The following LRBA variants were observed in gnomAD, a reference collection of about 807,000 sequenced individuals.
LRBA encodes the protein lipopolysaccharide-responsive and beige-like anchor protein.
In LRBA, 176 loss-of-function variants were observed where a neutral mutation model predicts 330.0. That is an observed-to-expected ratio of 0.53 (90% CI 0.47 to 0.60). LRBA has a LOEUF of 0.60. Ranked by LOEUF, LRBA falls within the 20% of genes least tolerant of loss-of-function variation. The pLI, the probability that LRBA is intolerant of heterozygous loss-of-function variation, is 0.00. For missense variants in LRBA, 3,259 were observed against 3,444.8 expected (o/e 0.95, Z 1.35); for synonymous variants, 1,230 against 1,193.0 (o/e 1.03, Z -0.64).
At chr4:150,487,910 A>C (rs1259222120) in intron 41 of LRBA, 76 bp from the exon 42 acceptor site, 1 of 672,120 alleles carries the variant, frequency 1.5e-6, no homozygotes, top group Admixed American at 2.2e-5. Context: ...GGTCCAATAA[A>C]ATATTTACTT....
chr4:150,898,479 C>T (rs1730357667), intron 14 of LRBA, among the ~76,000 whole-genome samples: 1 of 151,976 alleles, frequency 6.6e-6, no homozygotes, highest in Non-Finnish European at 1.5e-5. Context: ...GTTCTAAGAT[C>T]CTAAGTTAGG....
chr4:150,465,129 C>T (rs1755282611), intron 44 of LRBA, among the ~76,000 whole-genome samples: 1 of 152,036 alleles, frequency 6.6e-6, no homozygotes, highest in Admixed American at 6.6e-5. Flanking sequence ...CTCTAAGTAC[C>T]TCATATGAAT....
intron 13 of LRBA, among the ~76,000 whole-genome samples, chr4:150,904,784 T>C (rs894434877): frequency 4.6e-5 from 7 of 152,102 alleles, no homozygotes; most frequent in Admixed American, 4.6e-4. Flanking sequence ...CAAATGGCAA[T>C]CAGAGTCAGC....
chr4:150,654,717 C>T (rs1327519871), intron 37 of LRBA, among the ~76,000 whole-genome samples: 1 of 152,140 alleles, frequency 6.6e-6, no homozygotes, highest in African/African-American at 2.4e-5. Flanking sequence ...CAACAGGCCC[C>T]AGTGCGTGAT....
chr4:150,826,696 T>C (rs971102424), intron 30 of LRBA, among the ~76,000 whole-genome samples: 5 of 151,856 alleles, frequency 3.3e-5, no homozygotes, highest in Non-Finnish European at 1.5e-5. Flanking sequence ...ACTGAGGGTG[T>C]TGAAGTGGTC....
chr4:150,661,227 T>C (rs1389443330), intron 37 of LRBA, among the ~76,000 whole-genome samples: 4 of 151,640 alleles, frequency 2.6e-5, no homozygotes, highest in African/African-American at 7.3e-5. Context: ...TCCCAGCAAT[T>C]TGGGAGGCTG....
At chr4:150,445,104 T>C (rs1005555003) in intron 44 of LRBA, among the ~76,000 whole-genome samples, 2 of 152,090 alleles carry the variant, frequency 1.3e-5, no homozygotes, top group Non-Finnish European at 2.9e-5. Context: ...GATCTATCAA[T>C]TTGCAGATAT....
At chr4:150,553,946 A>G (rs1766951735) in intron 40 of LRBA, among the ~76,000 whole-genome samples, 1 of 152,146 alleles carries the variant, frequency 6.6e-6, no homozygotes, top group South Asian at 2.1e-4. Flanking sequence ...TCATCAGTTC[A>G]TTGGTGAAGC....
chr4:150,489,402 A>T (rs1758494781), intron 41 of LRBA, among the ~76,000 whole-genome samples: 1 of 56,802 alleles, frequency 1.8e-5, no homozygotes, highest in Non-Finnish European at 3.4e-5. Flanking sequence ...AAAATATATT[A>T]TATATAAGAA....
intron 40 of LRBA, among the ~76,000 whole-genome samples, chr4:150,547,812 T>C (rs527714134): frequency 6.6e-6 from 1 of 152,246 alleles, no homozygotes; most frequent in South Asian, 2.1e-4. Context: ...CACAAATGAA[T>C]TGCTTCCTTA....
chr4:150,295,169 T>C (rs1200564628), intron 53 of LRBA, among the ~76,000 whole-genome samples: 1 of 151,492 alleles, frequency 6.6e-6, no homozygotes, highest in Non-Finnish European at 1.5e-5. Context: ...TACAGTAATT[T>C]GGTGCATTCC....
chr4:150,752,483 T>TA (rs750229415), intron 35 of LRBA, among the ~76,000 whole-genome samples: 58 of 151,708 alleles, frequency 3.8e-4, no homozygotes, highest in East Asian at 1.2e-3. Flanking sequence ...TAATTTAAAT[T>TA]AAAAAAAAAT....
intron 53 of LRBA, among the ~76,000 whole-genome samples, chr4:150,287,960 G>A (rs1265402698): frequency 6.6e-6 from 1 of 151,674 alleles, no homozygotes; most frequent in Non-Finnish European, 1.5e-5. Flanking sequence ...AAGCCAATCT[G>A]AACTACTTAA....
chr4:150,664,437 T>C (rs1781392429), intron 37 of LRBA, among the ~76,000 whole-genome samples: 1 of 152,178 alleles, frequency 6.6e-6, no homozygotes, highest in Non-Finnish European at 1.5e-5. Context: ...TCATAAAGCA[T>C]AATAGCCTGT....
intron 48 of LRBA, among the ~76,000 whole-genome samples, chr4:150,342,029 GTATT>G (rs1275623318): frequency 3.3e-5 from 5 of 151,666 alleles, no homozygotes; most frequent in African/African-American, 1.2e-4. Context: ...TATTCATCAT[GTATT>G]TAATTTGTGG....
intron 2 of LRBA, among the ~76,000 whole-genome samples, chr4:151,002,473 G>A (rs1344323902): frequency 6.6e-6 from 1 of 151,446 alleles, no homozygotes; most frequent in Non-Finnish European, 1.5e-5. Flanking sequence ...GCTGAGGCAG[G>A]AGAATCACTT....
chr4:150,310,517 C>T (rs552272667), intron 51 of LRBA, 133 bp from the exon 52 acceptor site: 9 of 540,248 alleles, frequency 1.7e-5, no homozygotes, highest in African/African-American at 1.3e-4. Flanking sequence ...ATTGAAAAAC[C>T]GAGTAGGAAA....
At chr4:150,479,041 T>A (rs111599595) in intron 42 of LRBA, among the ~76,000 whole-genome samples, 6 of 152,058 alleles carry the variant, frequency 3.9e-5, no homozygotes, top group African/African-American at 9.7e-5. Context: ...CCCAGCACTT[T>A]AGGAGGCTGA....
At chr4:150,493,842 C>T (rs1049589883) in intron 40 of LRBA, among the ~76,000 whole-genome samples, 1 of 152,280 alleles carries the variant, frequency 6.6e-6, no homozygotes, top group South Asian at 2.1e-4. Flanking sequence ...GTAGCTTACA[C>T]TGGTAATTGC....
Sources: allele counts gnomAD v4.1 joint callset (sites outside exome capture counted in the v4.1 genomes callset), GRCh38; gene constraint gnomAD v4.1.1; transcripts MANE v1.5; gene names NCBI Gene and HGNC (gene_info 2026-07-23, HGNC 2026-07-21).